SLIT3: variants seen among roughly 807,000 people sequenced by gnomAD.
The protein encoded by SLIT3 is slit guidance ligand 3, also known as slit homolog 3 protein.
Under a neutral mutation model 184.0 loss-of-function variants are expected in SLIT3, and 68 were observed. That is an observed-to-expected ratio of 0.37 (90% CI 0.30 to 0.45). The LOEUF (loss-of-function observed/expected upper bound fraction) is 0.45, where lower values mean the gene tolerates loss of function less well. Ranked by LOEUF, SLIT3 falls within the 20% of genes least tolerant of loss-of-function variation. The pLI is 1.00. For missense variants in SLIT3, 1,707 were observed against 2,026.0 expected, an observed-to-expected ratio of 0.84 and a Z score of 3.02; for synonymous variants, 831 against 828.6, an observed-to-expected ratio of 1.00 and a Z score of -0.05.
At chr5:169,027,195 TA>T (rs1186248039) in intron 4 of SLIT3, among the ~76,000 whole-genome samples, 1 of 152,160 alleles carries the variant, frequency 6.6e-6, no homozygotes, top group Non-Finnish European at 1.5e-5. Flanking sequence ...GTAGATGAGG[TA>T]AAGCACATAG....
intron 4 of SLIT3, among the ~76,000 whole-genome samples, chr5:169,051,310 ATACTGTGAGGCTGTATATAAAAGAG>A (rs1463592795): frequency 6.6e-6 from 1 of 151,906 alleles, no homozygotes; most frequent in East Asian, 1.9e-4. Flanking sequence ...CCTCTACAAG[ATACTGTGAGGCTGTATATAAAAGAG>A]TAAATCAGAG....
At chr5:168,952,076 T>C (rs1249990147) in intron 4 of SLIT3, among the ~76,000 whole-genome samples, 1 of 152,088 alleles carries the variant, frequency 6.6e-6, no homozygotes, top group Non-Finnish European at 1.5e-5. Context: ...TACAAAGAGT[T>C]AGGAAATAGA....
At chr5:168,841,086 G>C (rs1438183779) in intron 6 of SLIT3, among the ~76,000 whole-genome samples, 1 of 152,218 alleles carries the variant, frequency 6.6e-6, no homozygotes. Flanking sequence ...CAGTTCTTGA[G>C]GCCAGTTCAC....
At chr5:168,789,460 A>G in intron 11 of SLIT3, 100 bp downstream of exon 11, 1 of 854,862 alleles carries the variant, frequency 1.2e-6, no homozygotes, top group Admixed American at 2.2e-5. Context: ...AAGGGAACAT[A>G]AAGTCTTGAT....
At chr5:169,077,652 T>C (rs893531668) in intron 4 of SLIT3, among the ~76,000 whole-genome samples, 16 of 152,214 alleles carry the variant, frequency 1.1e-4, no homozygotes, top group African/African-American at 3.6e-4. Context: ...AGTAGCTAAG[T>C]TTTCGGGGAG....
intron 4 of SLIT3, among the ~76,000 whole-genome samples, chr5:169,185,534 TG>T (rs1385524809): frequency 1.3e-5 from 2 of 152,198 alleles, no homozygotes; most frequent in Non-Finnish European, 2.9e-5. Flanking sequence ...ACTGGAAATT[TG>T]GGTAGTATGG....
intron 4 of SLIT3, among the ~76,000 whole-genome samples, chr5:169,058,332 C>T (rs997468891): frequency 1.3e-5 from 2 of 152,152 alleles, no homozygotes; most frequent in Non-Finnish European, 2.9e-5. Context: ...GCTTAGGGTT[C>T]CGGGAGGGCC....
At chr5:169,271,245 A>G (rs1766598638) in intron 1 of SLIT3, among the ~76,000 whole-genome samples, 2 of 152,178 alleles carry the variant, frequency 1.3e-5, no homozygotes, top group South Asian at 4.2e-4. Flanking sequence ...CTACTCCATC[A>G]TGAAAGAGGC....
At chr5:168,878,931 T>A (rs561905419) in intron 5 of SLIT3, among the ~76,000 whole-genome samples, 1 of 152,218 alleles carries the variant, frequency 6.6e-6, no homozygotes, top group South Asian at 2.1e-4. Context: ...GCCAGGCTGG[T>A]CTCGAATTCC....
chr5:168,762,712 C>T (rs765839586), intron 14 of SLIT3, 23 bp from the exon 15 acceptor site: 36 of 1,608,388 alleles, frequency 2.2e-5, no homozygotes, highest in East Asian at 6.7e-5. Flanking sequence ...AAAGAGGGGA[C>T]GTCAGCGTCA....
At chr5:168,796,397 T>A (rs1381212592) in intron 9 of SLIT3, among the ~76,000 whole-genome samples, 1 of 151,840 alleles carries the variant, frequency 6.6e-6, no homozygotes, top group Non-Finnish European at 1.5e-5. Flanking sequence ...CAAGAACAGG[T>A]GTGGTGGGAA....
intron 4 of SLIT3, among the ~76,000 whole-genome samples, chr5:168,953,648 C>G (rs1197837159): frequency 6.6e-6 from 1 of 152,174 alleles, no homozygotes; most frequent in African/African-American, 2.4e-5. Flanking sequence ...CACTTTATAG[C>G]CTGTTACCAC....
intron 4 of SLIT3, among the ~76,000 whole-genome samples, chr5:168,953,681 C>A (rs71603892): frequency 0.1 from 15,556 of 152,234 alleles, 1,012 homozygotes; most frequent in Non-Finnish European, 0.15. Context: ...CAGTGCCTGG[C>A]AGAGCCCAGT....
At position 168,710,935 on chromosome 5, in the gene SLIT3, C is replaced by A; in HGVS notation, c.2679G>T (p.Arg893Ser). 1 of 1,562,966 alleles carries A rather than the reference C, an allele frequency of 6.4e-7. No homozygotes were observed. Among genetic ancestry groups the A allele is most frequent in the African/African-American group, 1.3e-5 (1 of 74,332 alleles). ...RCSSPEPMAD[R>S]LLLTTPTHRF... ...GGTGGGTTGGGGTGGTGAGCAGGAG[C>A]CTGTCAGCCATGGGCTCAGGGCTAC... Residue 893 changes from arginine (R) to serine (S), a missense_variant, in exon 25 of 36, where the codon AGG becomes AGT. Arg to Ser is a moderately radical substitution (Grantham distance 110, BLOSUM62 -1). Coordinates refer to ENST00000519560, the MANE Select transcript of SLIT3 (RefSeq NM_003062.4).
intron 4 of SLIT3, among the ~76,000 whole-genome samples, chr5:169,157,641 T>G (rs916226287): frequency 1.3e-5 from 2 of 152,124 alleles, no homozygotes; most frequent in African/African-American, 4.8e-5. Flanking sequence ...ATACTCAAAA[T>G]GTCCAGTTTC....
intron 4 of SLIT3, among the ~76,000 whole-genome samples, chr5:168,906,547 C>T (rs965039749): frequency 2.0e-5 from 3 of 152,126 alleles, no homozygotes; most frequent in Non-Finnish European, 4.4e-5. Flanking sequence ...GCAAGTGCAT[C>T]AGAAAAGGTC....
At chr5:169,118,023 G>A (rs1760749415) in intron 4 of SLIT3, among the ~76,000 whole-genome samples, 1 of 152,102 alleles carries the variant, frequency 6.6e-6, no homozygotes, top group Admixed American at 6.5e-5. Flanking sequence ...GAATATTTTT[G>A]AAATGTGGCT....
intron 5 of SLIT3, among the ~76,000 whole-genome samples, chr5:168,850,420 C>A (rs1168049018): frequency 6.6e-6 from 1 of 152,140 alleles, no homozygotes; most frequent in Non-Finnish European, 1.5e-5. Context: ...ACTCTTATGC[C>A]TATTTTTCCT....
chr5:168,754,038 C>T, intron 16 of SLIT3, 31 bp from the exon 17 acceptor site: 1 of 1,537,740 alleles, frequency 6.5e-7, no homozygotes, highest in Non-Finnish European at 8.7e-7. Context: ...AGGGGAGAAT[C>T]AAAAGGAGCA....
Sources: allele counts gnomAD v4.1 joint callset (sites outside exome capture counted in the v4.1 genomes callset), GRCh38; gene constraint gnomAD v4.1.1; transcripts MANE v1.5; gene names NCBI Gene and HGNC (gene_info 2026-07-23, HGNC 2026-07-21).